The following LMO1 variants were observed in gnomAD, a reference collection of about 807,000 sequenced individuals.
LMO1 encodes LIM domain only 1, also known as rhombotin-1.
LMO1 carries 10 observed loss-of-function variants against 18.0 expected under a neutral mutation model. The ratio of observed to expected loss-of-function variants is 0.55; its 90% confidence interval spans 0.34 to 0.94. The LOEUF is 0.94. Ranked by LOEUF, LMO1 falls within the 40% of genes least tolerant of loss-of-function variation. LMO1 has a pLI of 0.02. For missense variants in LMO1, 183 were observed against 205.7 expected (o/e 0.89, Z 0.68); for synonymous variants, 77 against 77.9 (o/e 0.99, Z 0.06).
intron 2 of LMO1, among the ~76,000 whole-genome samples, chr11:8,229,923 C>A (rs1446382041): frequency 1.3e-5 from 2 of 152,228 alleles, no homozygotes; most frequent in Non-Finnish European, 2.9e-5. Context: ...GCTTCCACAC[C>A]TGTTCTCAAA....
chr11:8,264,701 G>A (rs972735305), upstream of LMO1, among the ~76,000 whole-genome samples: 1 of 151,432 alleles, frequency 6.6e-6, no homozygotes, highest in African/African-American at 2.4e-5. Context: ...GTGTGATCTC[G>A]GCTCACTGCA....
chr11:8,241,754 A>G (rs1846797213), intron 1 of LMO1, among the ~76,000 whole-genome samples: 1 of 151,716 alleles, frequency 6.6e-6, no homozygotes, highest in Non-Finnish European at 1.5e-5. Context: ...TTTTCATCAC[A>G]ATTTGTAATT....
intron 1 of LMO1, among the ~76,000 whole-genome samples, chr11:8,234,118 G>C (rs1197623850): frequency 6.6e-6 from 1 of 152,146 alleles, no homozygotes; most frequent in East Asian, 1.9e-4. Flanking sequence ...GGATGTGGGG[G>C]GAACAACATT....
intron 1 of LMO1, among the ~76,000 whole-genome samples, chr11:8,255,818 C>CTTTTTT (rs57425549): frequency 0.01 from 898 of 86,348 alleles, 61 homozygotes; most frequent in African/African-American, 0.015. Context: ...CAATGCCGCA[C>CTTTTTT]TTTTTTTTTT....
At chr11:8,243,139 A>G (rs1458608506) in intron 1 of LMO1, among the ~76,000 whole-genome samples, 4 of 152,146 alleles carry the variant, frequency 2.6e-5, no homozygotes, top group African/African-American at 9.7e-5. Context: ...GGGCTGAGAC[A>G]GCACTGCCTC....
At chr11:8,268,500 G>A, upstream of LMO1, 3 of 1,342,114 alleles carry the variant, frequency 2.2e-6, no homozygotes, top group Non-Finnish European at 2.9e-6. Context: ...GGGGCGCGTG[G>A]CTCCGACTCC....
upstream of LMO1, among the ~76,000 whole-genome samples, chr11:8,267,669 A>T (rs1847274997): frequency 6.6e-6 from 1 of 152,214 alleles, no homozygotes; most frequent in Non-Finnish European, 1.5e-5. Flanking sequence ...AAGACTACTA[A>T]TACCAAATTA....
intron 1 of LMO1, among the ~76,000 whole-genome samples, chr11:8,244,877 G>A (rs1846868332): frequency 6.6e-6 from 1 of 152,078 alleles, no homozygotes; most frequent in Non-Finnish European, 1.5e-5. Flanking sequence ...CACCTTCCTG[G>A]CCAGCCCAAG....
At chr11:8,261,662 TC>T (rs1847188334) in intron 1 of LMO1, among the ~76,000 whole-genome samples, 2 of 152,126 alleles carry the variant, frequency 1.3e-5, no homozygotes, top group Non-Finnish European at 2.9e-5. Flanking sequence ...AAGTACCCTC[TC>T]CCCTGGCTTC....
intron 1 of LMO1, among the ~76,000 whole-genome samples, chr11:8,247,553 A>AT (rs1160473256): frequency 6.6e-6 from 1 of 152,220 alleles, no homozygotes; most frequent in Non-Finnish European, 1.5e-5. Context: ...ATGAGCAGGG[A>AT]TAGACTGAGA....
chr11:8,237,956 A>G (rs1952790797), intron 1 of LMO1, among the ~76,000 whole-genome samples: 1 of 152,260 alleles, frequency 6.6e-6, no homozygotes, highest in African/African-American at 2.4e-5. Context: ...ATTAAATTGG[A>G]TAATCAACAT....
chr11:8,250,487 T>A (rs1399969765), intron 1 of LMO1, among the ~76,000 whole-genome samples: 1 of 152,222 alleles, frequency 6.6e-6, no homozygotes, highest in Non-Finnish European at 1.5e-5. Flanking sequence ...CATGAAAACA[T>A]CCTCAGGGCA....
upstream of LMO1, among the ~76,000 whole-genome samples, chr11:8,266,474 C>A (rs1847262603): frequency 6.6e-6 from 1 of 152,158 alleles, no homozygotes; most frequent in Non-Finnish European, 1.5e-5. Context: ...AGTTTTCCCC[C>A]AACACATTCC....
chr11:8,240,765 T>C (rs560695778), intron 1 of LMO1, among the ~76,000 whole-genome samples: 5 of 151,952 alleles, frequency 3.3e-5, no homozygotes, highest in African/African-American at 1.2e-4. Flanking sequence ...TCACATTGGG[T>C]GTTGGGATTT....
chr11:8,239,415 G>C (rs890552984), intron 1 of LMO1, among the ~76,000 whole-genome samples: 2 of 152,234 alleles, frequency 1.3e-5, no homozygotes, highest in Non-Finnish European at 2.9e-5. Flanking sequence ...CCAGCAAGGG[G>C]GCATGGACCA....
intron 2 of LMO1, 65 bp from the exon 3 acceptor site, chr11:8,227,165 G>A: frequency 1.3e-6 from 2 of 1,569,820 alleles, no homozygotes; most frequent in Non-Finnish European, 1.7e-6. Context: ...AGGGGGAAAG[G>A]AGTTGCCTCC....
rs900673970 is a variant in LMO1, at chr11:8,233,795, T to C, written c.26-3291A>G. On this transcript the variant is annotated intron_variant, in intron 1 of 3. Transcript: ENST00000335790. ...GCTCTGGGACCTGAGCCTCGGGCCA[T>C]GCACTTTCCATTAAGGAGATAGCAT... Among the ~76,000 whole-genome samples, 17 of 150,610 alleles carry C rather than the reference T, an allele frequency of 1.1e-4. No homozygotes were observed. The East Asian group carries it at 3.0e-3, about 26-fold the overall frequency.
chr11:8,256,909 G>T (rs1312971585), intron 1 of LMO1, among the ~76,000 whole-genome samples: 9 of 152,242 alleles, frequency 5.9e-5, no homozygotes, highest in African/African-American at 2.2e-4. Context: ...GGGTCAGACT[G>T]GTTGTAATGA....
At position 8,249,198 on chromosome 11, in the gene LMO1, C is replaced by T. The variant is rs140550763; in HGVS notation, c.25+14140G>A. 3.4e-3 allele frequency among the ~76,000 whole-genome samples: 515 copies of T among 152,310 alleles called. 3 individuals are homozygous for T. Among genetic ancestry groups the T allele is most frequent in the African/African-American group, 0.012 (481 of 41,566 alleles). On this transcript the variant is annotated intron_variant, in intron 1 of 3. Transcript: ENST00000335790. ...TTCTCTCCTAGACCTCAACTGCCTC[C>T]TCTGACCAACCCAGACCCTCACCTG... is the stretch of plus-strand genomic sequence containing the variant.
Sources: allele counts gnomAD v4.1 joint callset (sites outside exome capture counted in the v4.1 genomes callset), GRCh38; gene constraint gnomAD v4.1.1; transcripts MANE v1.5; gene names NCBI Gene and HGNC (gene_info 2026-07-23, HGNC 2026-07-21).